The following CTNNA2 variants were observed in gnomAD, a reference collection of about 807,000 sequenced individuals.
CTNNA2 encodes catenin alpha 2.
In CTNNA2, 42 loss-of-function variants were observed where a neutral mutation model predicts 101.0. The observed-to-expected ratio is 0.42, with a 90% CI of 0.32 to 0.54. The LOEUF (loss-of-function observed/expected upper bound fraction) is 0.54, where lower values mean the gene tolerates loss of function less well. Ranked by LOEUF, CTNNA2 falls within the 20% of genes least tolerant of loss-of-function variation. The pLI, the probability that CTNNA2 is intolerant of heterozygous loss-of-function variation, is 0.14. For synonymous variants in CTNNA2, 450 were observed against 456.4 expected, an observed-to-expected ratio of 0.99 and a Z score of 0.18; for missense variants, 871 against 1,223.1, an observed-to-expected ratio of 0.71 and a Z score of 4.29.
chr2:80,549,689 CCT>C (rs201954715), intron 11 of CTNNA2, among the ~76,000 whole-genome samples: 26 of 152,140 alleles, frequency 1.7e-4, no homozygotes, highest in African/African-American at 5.5e-4. Flanking sequence ...TTGCAACATT[CCT>C]CTCTCTCTTT....
chr2:80,142,401 C>T (rs1284076887), intron 7 of CTNNA2, among the ~76,000 whole-genome samples: 2 of 152,056 alleles, frequency 1.3e-5, no homozygotes, highest in African/African-American at 2.4e-5. Flanking sequence ...GTGAGCAGAC[C>T]CCAGCTTGGT....
intron 2 of CTNNA2, among the ~76,000 whole-genome samples, chr2:79,303,013 T>C (rs774699162): frequency 6.6e-6 from 1 of 152,236 alleles, no homozygotes; most frequent in South Asian, 2.1e-4. Flanking sequence ...AGGTTTGTTC[T>C]AGGACCAAAT....
At chr2:79,345,194 A>G (rs1211923331) in intron 3 of CTNNA2, among the ~76,000 whole-genome samples, 1 of 151,888 alleles carries the variant, frequency 6.6e-6, no homozygotes, top group African/African-American at 2.4e-5. Context: ...AAATCTCCTC[A>G]CATTTTTCTT....
chr2:79,677,771 G>A (rs1487704363), intron 2 of CTNNA2, among the ~76,000 whole-genome samples: 1 of 152,096 alleles, frequency 6.6e-6, no homozygotes, highest in Non-Finnish European at 1.5e-5. Context: ...GAAAGGAAAT[G>A]TTAAAGAATA....
intron 2 of CTNNA2, among the ~76,000 whole-genome samples, chr2:79,217,761 A>G (rs1349742461): frequency 2.6e-5 from 4 of 152,220 alleles, no homozygotes; most frequent in South Asian, 2.1e-4. Flanking sequence ...CTACAGCTAC[A>G]CAAATTGAAA....
At chr2:79,322,851 G>T (rs770285654) in intron 3 of CTNNA2, among the ~76,000 whole-genome samples, 1 of 152,090 alleles carries the variant, frequency 6.6e-6, no homozygotes, top group Non-Finnish European at 1.5e-5. Context: ...CCAGTCAAAC[G>T]GTCTTTCCAC....
rs1320434986 is a variant in CTNNA2 at position 79,953,782 on chromosome 2, T to C, written c.1056+43985T>C. The stretch of plus-strand genomic sequence containing the variant: ...TGATATTTGGTAACATTGCTGGATA[T>C]GTATGAAACTGTCAGAACATGTTAC... On this transcript the variant is annotated intron_variant, in intron 7 of 18. Coordinates refer to ENST00000402739, the MANE Select transcript of CTNNA2 (RefSeq NM_001282597.3). Among the ~76,000 whole-genome samples, 4 of 152,212 alleles carry C rather than the reference T, an allele frequency of 2.6e-5. 1 individual carries two copies. The highest frequency in any genetic ancestry group is 9.6e-5 in the African/African-American group (4 of 41,468).
chr2:80,259,303 G>C (rs144423175), intron 7 of CTNNA2, among the ~76,000 whole-genome samples: 175 of 152,256 alleles, frequency 1.1e-3, no homozygotes, highest in African/African-American at 4.1e-3. Context: ...GTTTTGAGAG[G>C]ATGCAAGCAG....
intron 3 of CTNNA2, among the ~76,000 whole-genome samples, chr2:79,353,318 T>TGAGG (rs1457048975): frequency 6.6e-6 from 1 of 152,222 alleles, no homozygotes; most frequent in Non-Finnish European, 1.5e-5. Context: ...TTCTTGACAT[T>TGAGG]GAGTTCTATT....
At chr2:79,905,479 G>A (rs567867659) in intron 6 of CTNNA2, among the ~76,000 whole-genome samples, 9 of 152,284 alleles carry the variant, frequency 5.9e-5, no homozygotes, top group African/African-American at 2.2e-4. Flanking sequence ...GCCGGTCACA[G>A]GAGCATACTT....
intron 7 of CTNNA2, among the ~76,000 whole-genome samples, chr2:80,289,855 G>A (rs765061639): frequency 1.1e-4 from 17 of 152,176 alleles, no homozygotes; most frequent in Non-Finnish European, 2.4e-4. Flanking sequence ...TTGCCTCCCT[G>A]CTCCCTGCTA....
chr2:79,569,999 G>A (rs922976027), intron 1 of CTNNA2, among the ~76,000 whole-genome samples: 9 of 152,174 alleles, frequency 5.9e-5, no homozygotes, highest in South Asian at 2.1e-4. Flanking sequence ...TAGTACAACA[G>A]CATTACCTTA....
chr2:80,099,180 T>C (rs1193299596), intron 7 of CTNNA2, among the ~76,000 whole-genome samples: 1 of 152,010 alleles, frequency 6.6e-6, no homozygotes, highest in Non-Finnish European at 1.5e-5. Flanking sequence ...CTTATGGTGG[T>C]TAAAAAACAC....
chr2:80,275,684 A>G (rs1188289080), intron 7 of CTNNA2, among the ~76,000 whole-genome samples: 9 of 152,028 alleles, frequency 5.9e-5, no homozygotes, highest in Admixed American at 5.9e-4. Context: ...TTATTCTGTC[A>G]CTCTTAAGAA....
chr2:79,457,821 A>T (rs388990), intron 4 of CTNNA2, among the ~76,000 whole-genome samples: 45,400 of 152,082 alleles, frequency 0.3, 7,024 homozygotes, highest in South Asian at 0.45. Flanking sequence ...ACTCTCCCTC[A>T]CTCTCTACCT....
rs189181439 is a variant in CTNNA2, at chr2:80,037,508, A to T, written c.1056+127711A>T. 2.2e-4 allele frequency among the ~76,000 whole-genome samples: 33 copies of T among 152,306 alleles called. 1 individual carries two copies. Among genetic ancestry groups the T allele is most frequent in the Admixed American group, 1.6e-3 (24 of 15,302 alleles). On this transcript the variant is annotated intron_variant, in intron 7 of 18. Transcript: ENST00000402739. ...TACTGAGGAGGAAATTGTTAATGACATTAATAGCTTGATAATGTGACACAG... is the reference window on the plus strand; with the variant it reads ...TACTGAGGAGGAAATTGTTAATGACTTTAATAGCTTGATAATGTGACACAG...
At chr2:80,019,901 A>G (rs1301507315) in intron 7 of CTNNA2, among the ~76,000 whole-genome samples, 1 of 152,190 alleles carries the variant, frequency 6.6e-6, no homozygotes, top group African/African-American at 2.4e-5. Flanking sequence ...CTGTACGAGC[A>G]GACATTTAGA....
chr2:79,712,130 T>A (rs1685779318), intron 2 of CTNNA2, among the ~76,000 whole-genome samples: 1 of 152,216 alleles, frequency 6.6e-6, no homozygotes, highest in Non-Finnish European at 1.5e-5. Context: ...TTATATGTCA[T>A]CTTAATCAAC....
At chr2:80,248,940 A>C (rs900575878) in intron 7 of CTNNA2, among the ~76,000 whole-genome samples, 1 of 152,332 alleles carries the variant, frequency 6.6e-6, no homozygotes, top group Non-Finnish European at 1.5e-5. Flanking sequence ...TTGTTTGATA[A>C]AAGTGGAAAT....
Sources: gnomAD v4.1 joint callset for allele counts (sites outside exome capture counted in the v4.1 genomes callset) on GRCh38, gnomAD v4.1.1 for gene constraint, MANE v1.5 for transcripts, NCBI Gene and HGNC (gene_info 2026-07-23, HGNC 2026-07-21) for gene names.